PPP1R9A: variants seen among roughly 807,000 people sequenced by gnomAD.
The protein encoded by PPP1R9A is neurabin-1.
PPP1R9A carries 59 observed loss-of-function variants against 141.9 expected under a neutral mutation model. The observed-to-expected ratio is 0.42, with a 90% confidence interval of 0.34 to 0.52. The LOEUF is 0.52. Ranked by LOEUF, PPP1R9A falls within the 20% of genes least tolerant of loss-of-function variation. The probability of loss-of-function intolerance (pLI) is 0.10; values close to 1 mark genes in which losing one functional copy is unlikely to be tolerated. For synonymous variants in PPP1R9A, 500 were observed against 569.7 expected, an observed-to-expected ratio of 0.88 and a Z score of 1.74; for missense variants, 1,444 against 1,611.9, an observed-to-expected ratio of 0.90 and a Z score of 1.78.
At chr7:94,919,530 G>A (rs193119854) in intron 2 of PPP1R9A, among the ~76,000 whole-genome samples, 1 of 152,150 alleles carries the variant, frequency 6.6e-6, no homozygotes, top group East Asian at 1.9e-4. Flanking sequence ...AAGGAATCCT[G>A]TTCCTTTTCT....
chr7:95,278,574 T>G (rs975603257), intron 16 of PPP1R9A, among the ~76,000 whole-genome samples: 2 of 152,202 alleles, frequency 1.3e-5, no homozygotes, highest in African/African-American at 4.8e-5. Flanking sequence ...TCAGTTGGTC[T>G]ATTCATTTAT....
In PPP1R9A at chr7:95,205,795, T is replaced by A. The variant is rs1441697361; in HGVS notation, c.1956+2065T>A. Among the ~76,000 whole-genome samples the A allele has an allele frequency of 2.0e-5, 3 of 152,186 alleles. No individual in the cohort carries two copies. The South Asian group carries it at 6.2e-4, about 32-fold the overall frequency. Reference sequence around the variant, plus strand: ...GTCAGTAGCACTGTGTGTATCTCTTTCTGTCATTATTTATCCATAAATTCC... The same window carrying A: ...GTCAGTAGCACTGTGTGTATCTCTTACTGTCATTATTTATCCATAAATTCC... On this transcript the variant is annotated intron_variant, in intron 7 of 19. Transcript: ENST00000433360.
chr7:95,065,306 A>C (rs143862675), intron 2 of PPP1R9A, among the ~76,000 whole-genome samples: 1 of 152,088 alleles, frequency 6.6e-6, no homozygotes, highest in Non-Finnish European at 1.5e-5. Flanking sequence ...GCCCCAAGCA[A>C]TCCTCCCATG....
At chr7:95,134,232 A>G (rs1173546934) in intron 4 of PPP1R9A, among the ~76,000 whole-genome samples, 1 of 151,630 alleles carries the variant, frequency 6.6e-6, no homozygotes, top group African/African-American at 2.4e-5. Context: ...AAAACCAAAC[A>G]CCACATGTTC....
chr7:95,027,865 C>A (rs1807109191), intron 2 of PPP1R9A, among the ~76,000 whole-genome samples: 1 of 152,128 alleles, frequency 6.6e-6, no homozygotes, highest in Non-Finnish European at 1.5e-5. Context: ...GGACCACCCT[C>A]ATTTTTGTGG....
At chr7:95,211,996 A>G (rs76703463) in intron 7 of PPP1R9A, among the ~76,000 whole-genome samples, 1 of 152,056 alleles carries the variant, frequency 6.6e-6, no homozygotes, top group Non-Finnish European at 1.5e-5. Context: ...TCTCTAATCA[A>G]TCAATTAAAA....
intron 4 of PPP1R9A, among the ~76,000 whole-genome samples, chr7:95,158,253 T>A (rs2152696949): frequency 6.6e-6 from 1 of 152,312 alleles, no homozygotes; most frequent in African/African-American, 2.4e-5. Flanking sequence ...CAGTTGTTTA[T>A]ACATTTGAAA....
At chr7:95,246,987 T>G (rs1330457949) in intron 8 of PPP1R9A, among the ~76,000 whole-genome samples, 1 of 152,140 alleles carries the variant, frequency 6.6e-6, no homozygotes, top group African/African-American at 2.4e-5. Context: ...CCTCCTCCTC[T>G]CTCCCTTTGC....
intron 8 of PPP1R9A, among the ~76,000 whole-genome samples, chr7:95,243,354 A>G (rs1164409148): frequency 6.6e-6 from 1 of 152,176 alleles, no homozygotes; most frequent in Admixed American, 6.6e-5. Context: ...ATGTATCCTC[A>G]GTGATTAGCA....
At chr7:95,237,180 T>TATATATATA in intron 8 of PPP1R9A, among the ~76,000 whole-genome samples, 1 of 133,308 alleles carries the variant, frequency 7.5e-6, no homozygotes, top group East Asian at 2.1e-4. Flanking sequence ...TATATATATA[T>TATATATATA]TTTTTTTTTT....
chr7:95,286,965 C>CTTTTTTTT, intron 18 of PPP1R9A: 1 of 762,480 alleles, frequency 1.3e-6, no homozygotes, highest in Non-Finnish European at 2.0e-6. Context: ...ATTCACAAAA[C>CTTTTTTTT]TTTTTTTTTT....
chr7:95,124,841 TC>T (rs1354033727), intron 4 of PPP1R9A, among the ~76,000 whole-genome samples: 1 of 152,024 alleles, frequency 6.6e-6, no homozygotes, highest in Non-Finnish European at 1.5e-5. Context: ...CCTCCCTCCT[TC>T]CTGCCCCCAC....
chr7:95,243,614 C>T (rs1797749524), intron 8 of PPP1R9A, among the ~76,000 whole-genome samples: 1 of 151,936 alleles, frequency 6.6e-6, no homozygotes, highest in African/African-American at 2.4e-5. Context: ...AAAATATATC[C>T]CAAAGCAACT....
intron 2 of PPP1R9A, among the ~76,000 whole-genome samples, chr7:95,033,288 A>G (rs1807964562): frequency 6.6e-6 from 1 of 150,636 alleles, no homozygotes; most frequent in Admixed American, 6.7e-5. Flanking sequence ...TGCTGGGATT[A>G]CAGGCATGAG....
At chr7:95,008,344 A>G (rs1407886514) in intron 2 of PPP1R9A, among the ~76,000 whole-genome samples, 1 of 152,172 alleles carries the variant, frequency 6.6e-6, no homozygotes, top group Non-Finnish European at 1.5e-5. Context: ...ACAGATATAT[A>G]TGAAGCTTTA....
rs913966210 is a variant in PPP1R9A at position 94,907,819 on chromosome 7, G to C, written c.-217+117G>C. 2.7e-5 allele frequency: 4 copies of C among 150,780 alleles called. No individual in the cohort carries two copies. The East Asian group carries it at 5.9e-4, about 22-fold the overall frequency. The allele number at this position is 150,780 out of a possible 1,614,324, so 9.3% of individuals were successfully genotyped here. A position where few individuals can be genotyped will look rare whatever the true frequency, so the allele number is the denominator to read the frequency against. ...CGTGGGCCAAACCCCTTCCCCGGCCGGCACCCCTGGCCCCAGGCCGGCCCG... is the reference window on the plus strand; with the variant it reads ...CGTGGGCCAAACCCCTTCCCCGGCCCGCACCCCTGGCCCCAGGCCGGCCCG... On this transcript the variant is annotated intron_variant, in intron 1 of 19. Coordinates refer to ENST00000433360, the MANE Select transcript of PPP1R9A (RefSeq NM_001166160.2).
At chr7:95,193,329 TTGTC>T (rs1219862831) in intron 5 of PPP1R9A, among the ~76,000 whole-genome samples, 1 of 152,066 alleles carries the variant, frequency 6.6e-6, no homozygotes, top group Non-Finnish European at 1.5e-5. Flanking sequence ...ATGAGATGAA[TTGTC>T]TGTCTTATGC....
chr7:94,985,102 T>C (rs1296487618), intron 2 of PPP1R9A, among the ~76,000 whole-genome samples: 1 of 152,240 alleles, frequency 6.6e-6, no homozygotes, highest in African/African-American at 2.4e-5. Context: ...CCAGTCGTCA[T>C]TCAGGAGCAG....
At chr7:95,114,671 C>A (rs1193641333) in intron 3 of PPP1R9A, among the ~76,000 whole-genome samples, 1 of 151,610 alleles carries the variant, frequency 6.6e-6, no homozygotes, top group African/African-American at 2.4e-5. Context: ...GATTTATGGA[C>A]AGAAAACAAA....
Sources: allele counts gnomAD v4.1 joint callset (sites outside exome capture counted in the v4.1 genomes callset), GRCh38; gene constraint gnomAD v4.1.1; transcripts MANE v1.5; gene names NCBI Gene and HGNC (gene_info 2026-07-23, HGNC 2026-07-21).